SIRT6: variants seen among roughly 807,000 people sequenced by gnomAD.
SIRT6 encodes sirtuin 6.
Under a neutral mutation model 33.6 loss-of-function variants are expected in SIRT6, and 21 were observed. The observed-to-expected ratio is 0.62, with a 90% CI of 0.44 to 0.90. The LOEUF (loss-of-function observed/expected upper bound fraction) is 0.90, where lower values mean the gene tolerates loss of function less well. SIRT6 is among the 40% of genes least tolerant of loss of function. The pLI is 0.00. For missense variants in SIRT6, 504 were observed against 510.6 expected (o/e 0.99, Z 0.12); for synonymous variants, 221 against 223.9 (o/e 0.99, Z 0.12).
chr19:4,174,973 G>A lies in SIRT6; in HGVS notation c.739-27C>T, dbSNP rs367819583. 132 of 1,609,274 alleles carry A rather than the reference G, an allele frequency of 8.2e-5. No individual in the cohort carries two copies. Among genetic ancestry groups the A allele is most frequent in the African/African-American group, 1.7e-4 (13 of 74,944 alleles). On this transcript the variant is annotated intron_variant, in intron 7 of 7. Coordinates refer to ENST00000337491, the MANE Select transcript of SIRT6 (RefSeq NM_016539.4). The surrounding 1 kb of genome is among the most constrained non-coding windows in gnomAD (Gnocchi z 4.2). Reference sequence around the variant, plus strand: ...TGCCGAGGGGCGGGACGGGTCAGGCGTGGGGGACAGAGGGTGCATGGTGGC... The same window carrying A: ...TGCCGAGGGGCGGGACGGGTCAGGCATGGGGGACAGAGGGTGCATGGTGGC...
rs1304128940 is a variant in SIRT6 at position 4,179,535 on chromosome 19, T to C, written c.195-249A>G. The C allele has an allele frequency of 9.3e-5, 50 of 536,030 alleles. No homozygotes were observed. The Admixed American group carries it at 1.8e-3, about 19-fold the overall frequency. The allele number at this position is 536,030 out of a possible 1,614,324, so 33.2% of individuals were successfully genotyped here. ...AAGACAAAGCAAGTCAGAGACAGAA[T>C]TGGAGAGAGACAGAGAGAGGGAGAG... On this transcript the variant is annotated intron_variant, in intron 2 of 7. Transcript: ENST00000337491.
At chr19:4,178,962 G>A (rs1459742139) in intron 3 of SIRT6, 142 bp downstream of exon 3, 2 of 1,089,588 alleles carry the variant, frequency 1.8e-6, no homozygotes, top group Non-Finnish European at 2.6e-6. Flanking sequence ...TGAGCCATGG[G>A]ACTCAGAGAT....
In SIRT6 at chr19:4,175,131, G is replaced by A. The variant is rs1314997115; in HGVS notation, c.635C>T (p.Thr212Met). 2.5e-6 allele frequency: 4 copies of A among 1,602,516 alleles called. No homozygotes were observed. The highest frequency in any genetic ancestry group is 3.4e-6 in the Non-Finnish European group (4 of 1,176,028). The part of the protein sequence containing the change: ...EASRNADLSI[T>M]LGTSLQIRPS... ...CCGGATCTGCAGCGATGTACCCAGC[G>A]TGATGGACAGGTCGGCGTTCCTGGG... Residue 212 changes from threonine to methionine, a missense_variant, in exon 7 of 8, where the codon ACG becomes ATG. Thr to Met is a moderately conservative substitution (Grantham distance 81). Transcript: ENST00000337491.
chr19:4,180,787 G>A lies in SIRT6; in HGVS notation c.189C>T (p.Asp63=), dbSNP rs1198050369. Residue 63 remains aspartate (D), a synonymous_variant, in exon 2 of 8, where the codon GAC becomes GAT. Transcript: ENST00000337491. The part of the protein sequence containing the change: ...AGISTASGIP[D]FRGPHGVWTM... ...TCCCCTGCACAATCACAGACCTGAA[G>A]TCGGGGATGCCAGAGGCAGTGCTGA... is the stretch of plus-strand genomic sequence containing the variant. The A allele has an allele frequency of 3.1e-6, 5 of 1,610,490 alleles. No homozygotes were observed. In the African/African-American group the frequency reaches 6.7e-5, roughly 21 times the overall value.
At chr19:4,177,172 GA>G (rs1238318971) in intron 3 of SIRT6, 34 bp from the exon 4 acceptor site, 2 of 1,610,722 alleles carry the variant, frequency 1.2e-6, no homozygotes, top group Non-Finnish European at 8.5e-7. Flanking sequence ...TTGATGGTGG[GA>G]AAGGATCCCT....
chr19:4,174,638 CT>C lies in SIRT6; in HGVS notation c.1046del (p.Lys349ArgfsTer19). Reference sequence around the variant, plus strand: ...CTGGTCAGCTGGGGACCGCCTTGGCCTTCACCCTTTTGGGGGGTCTGTGGGG... The same window carrying C: ...CTGGTCAGCTGGGGACCGCCTTGGCCTCACCCTTTTGGGGGGTCTGTGGGG... ...PAPHRPPKRV[K>X]AKAVPS On this transcript the variant is annotated frameshift_variant, in exon 8 of 8. Coordinates refer to ENST00000337491, the MANE Select transcript of SIRT6 (RefSeq NM_016539.4). LOFTEE classifies it high-confidence loss of function. The surrounding 1 kb of genome is among the most constrained non-coding windows in gnomAD (Gnocchi z 4.2). 1 of 1,448,542 alleles carries C rather than the reference CT, an allele frequency of 6.9e-7. No homozygotes were observed. The highest frequency in any genetic ancestry group is 9.1e-7 in the Non-Finnish European group (1 of 1,097,716). The allele number at this position is 1,448,542 out of a possible 1,614,324, so 89.7% of individuals were successfully genotyped here.
intron 1 of SIRT6, 63 bp from the exon 2 acceptor site, chr19:4,180,972 C>T (rs892246191): frequency 1.3e-5 from 19 of 1,496,210 alleles, no homozygotes; most frequent in Non-Finnish European, 1.5e-5. Context: ...AGGCCACGCA[C>T]GAGCCACAGA....
chr19:4,176,382 A>G (rs1227356108), intron 4 of SIRT6, among the ~76,000 whole-genome samples: 1 of 152,202 alleles, frequency 6.6e-6, no homozygotes, highest in African/African-American at 2.4e-5. Context: ...CAAGGTCAGG[A>G]GTTCGACACC....
At chr19:4,177,280 C>G in intron 3 of SIRT6, 142 bp from the exon 4 acceptor site, 1 of 710,800 alleles carries the variant, frequency 1.4e-6, no homozygotes. Context: ...TTCTTTCTGG[C>G]TCTTCTAGCT....
chr19:4,178,127 A>G (rs1967413071), intron 3 of SIRT6, among the ~76,000 whole-genome samples: 1 of 151,442 alleles, frequency 6.6e-6, no homozygotes, highest in Admixed American at 6.6e-5. Flanking sequence ...CCCGGGTTCA[A>G]GCGATTCTCC....
At chr19:4,179,472 G>A (rs1471076392) in intron 2 of SIRT6, 186 bp from the exon 3 acceptor site, 10 of 631,764 alleles carry the variant, frequency 1.6e-5, no homozygotes, top group Admixed American at 6.1e-5. Context: ...CAGGGAGAGG[G>A]GGATAGAACA....
chr19:4,179,024 A>G lies in SIRT6; in HGVS notation c.377+80T>C, dbSNP rs559026768. 2,048 of 1,517,088 alleles carry G rather than the reference A, an allele frequency of 1.3e-3. 36 individuals are homozygous for G. In the South Asian group the frequency reaches 0.023, roughly 17 times the overall value. The allele number at this position is 1,517,088 out of a possible 1,614,324, so 94.0% of individuals were successfully genotyped here. On this transcript the variant is annotated intron_variant, in intron 3 of 7. Transcript: ENST00000337491. ...GGCTAGAATCTTATAGAACCAGGAAAAGGGGACTCTCCCCCTAAAAATGCA... is the reference window on the plus strand; with the variant it reads ...GGCTAGAATCTTATAGAACCAGGAAGAGGGGACTCTCCCCCTAAAAATGCA...
At chr19:4,175,818 A>G (rs1967265135) in intron 5 of SIRT6, 24 bp downstream of exon 5, 1 of 1,555,572 alleles carries the variant, frequency 6.4e-7, no homozygotes, top group Non-Finnish European at 8.7e-7. Context: ...CCTGGAGCCC[A>G]GGGCATGGGT....
At chr19:4,176,054 T>C in intron 4 of SIRT6, 117 bp from the exon 5 acceptor site, 1 of 792,478 alleles carries the variant, frequency 1.3e-6, no homozygotes. Flanking sequence ...TGACCAGAAC[T>C]AGCACCCAGC....
rs550563777 is a variant in SIRT6, at chr19:4,175,071, C to T, written c.695G>A (p.Arg232Gln). ...GTTGACGATGACCAGGCGGCCTCCC[C>T]GGCGCTTGGTAGCCAGCGGCAGGTT... ...SGNLPLATKR[R>Q]GGRLVIVNLQ... is the part of the protein sequence containing the mutation. Residue 232 changes from arginine (R) to glutamine (Q), a missense_variant, in exon 7 of 8, where the codon CGG (arginine) becomes CAG (glutamine). Transcript: ENST00000337491. 2.0e-5 allele frequency: 32 copies of T among 1,591,026 alleles called. No individual in the cohort carries two copies. In the East Asian group the frequency reaches 4.1e-4, roughly 20 times the overall value.
In SIRT6 at chr19:4,175,932, T is replaced by G; in HGVS notation, c.443A>C (p.Tyr148Ser). 6.4e-7 allele frequency: 1 copy of G among 1,565,098 alleles called. No individual in the cohort carries two copies. The highest frequency in any genetic ancestry group is 2.3e-5 in the East Asian group (1 of 42,602). The part of the protein sequence containing the change: ...VEECAKCKTQ[Y>S]VRDTVVGTMG... ...GGTGCCCACGACTGTGTCTCGGACG[T>G]ACTGCCTGTGTCAGGGAGGAAGGGG... The change falls in exon 5 of 8, where the codon TAC becomes TCC. Residue 148 changes from tyrosine to serine, a missense_variant. Tyr to Ser is a moderately radical substitution (Grantham distance 144). Coordinates refer to ENST00000337491, the MANE Select transcript of SIRT6 (RefSeq NM_016539.4).
Position 4,174,490 on chromosome 19 carries a change from C to A in SIRT6, c.*127G>T. Reference sequence around the variant, plus strand: ...GGACCACGGAGGGCAGGTGTAACCCCTGGCCTGGAGCACAGCTCTCAGAGC... The same window carrying A: ...GGACCACGGAGGGCAGGTGTAACCCATGGCCTGGAGCACAGCTCTCAGAGC... On this transcript the variant is annotated 3_prime_UTR_variant, in exon 8 of 8. Transcript: ENST00000337491. This position sits in a 1 kb window ranked among gnomAD's most constrained non-coding sequence, Gnocchi z 4.2. The A allele has an allele frequency of 1.1e-6, 1 of 918,878 alleles. No individual in the cohort carries two copies. The highest frequency in any genetic ancestry group is 1.5e-6 in the Non-Finnish European group (1 of 659,764). The allele number at this position is 918,878 out of a possible 1,614,324, so 56.9% of individuals were successfully genotyped here. A position where few individuals can be genotyped will look rare whatever the true frequency, so the allele number is the denominator to read the frequency against.
At chr19:4,179,498 G>C in intron 2 of SIRT6, 2 of 582,760 alleles carry the variant, frequency 3.4e-6, no homozygotes, top group South Asian at 4.5e-5. Flanking sequence ...CAGACAGAGA[G>C]ATAAAGAGTT....
Position 4,174,782 on chromosome 19 carries a change from C to T in SIRT6, c.903G>A (p.Glu301=). 1 of 1,331,296 alleles carries T rather than the reference C, an allele frequency of 7.5e-7. No homozygotes were observed. The highest frequency in any genetic ancestry group is 9.8e-7 in the Non-Finnish European group (1 of 1,023,514). The allele number at this position is 1,331,296 out of a possible 1,614,324, so 82.5% of individuals were successfully genotyped here. A position where few individuals can be genotyped will look rare whatever the true frequency, so the allele number is the denominator to read the frequency against. Residue 301 remains glutamate (E), a synonymous_variant, in exon 8 of 8, where the codon GAG becomes GAA. Transcript: ENST00000337491. This position sits in a 1 kb window ranked among gnomAD's most constrained non-coding sequence, Gnocchi z 4.2. ...RPPTPKLEPK[E]ESPTRINGSI... ...AGCCGTTGATCCGGGTGGGAGATTC[C>T]TCCTTGGGCTCCAGCTTGGGGGTGG...
Sources: gnomAD v4.1 joint callset for allele counts (sites outside exome capture counted in the v4.1 genomes callset) on GRCh38, gnomAD v4.1.1 for gene constraint, Gnocchi (gnomAD v3.1) non-coding constraint, MANE v1.5 for transcripts, NCBI Gene and HGNC (gene_info 2026-07-23, HGNC 2026-07-21) for gene names.